SPATA31H1: variants seen among roughly 807,000 people sequenced by gnomAD.
SPATA31H1 encodes spermatogenesis-associated protein 31H1.
chr2:27,543,480 TGGCAAG>T, the SPATA31H1 span, among the ~76,000 whole-genome samples: 7 of 112,554 alleles, frequency 6.2e-5, no homozygotes, highest in East Asian at 3.9e-4. Flanking sequence ...GTATGAGAAA[TGGCAAG>T]GGCTTTTTTT....
chr2:27,582,404 T>C, the SPATA31H1 span: 1 of 1,614,184 alleles, frequency 6.2e-7, no homozygotes, highest in Non-Finnish European at 8.5e-7. Context: ...TCAAGTACAG[T>C]TTCCCTGGAG....
the SPATA31H1 span, chr2:27,580,642 T>C: frequency 6.2e-7 from 1 of 1,614,210 alleles, no homozygotes; most frequent in Non-Finnish European, 8.5e-7. Flanking sequence ...TTTCAGAGCC[T>C]AAAGCGGGCA....
the SPATA31H1 span, among the ~76,000 whole-genome samples, chr2:27,538,303 G>A: frequency 1.3e-5 from 2 of 151,728 alleles, no homozygotes; most frequent in South Asian, 4.2e-4. Flanking sequence ...ATCACCTGGG[G>A]GATCTTGTTA....
chr2:27,580,750 AAC>A, the SPATA31H1 span: 1 of 1,614,162 alleles, frequency 6.2e-7, no homozygotes, highest in Non-Finnish European at 8.5e-7. Context: ...TATTATCCAA[AAC>A]AAAATGCCAG....
the SPATA31H1 span, among the ~76,000 whole-genome samples, chr2:27,562,802 G>A: frequency 2.7e-5 from 4 of 150,644 alleles, no homozygotes; most frequent in African/African-American, 4.9e-5. Flanking sequence ...CAGGAGAATC[G>A]CTTGAACCTG....
At chr2:27,560,747 C>T in the SPATA31H1 span, among the ~76,000 whole-genome samples, 18 of 152,272 alleles carry the variant, frequency 1.2e-4, no homozygotes, top group African/African-American at 3.4e-4. Flanking sequence ...TGTGAGCCAC[C>T]GCGCCCAGCC....
chr2:27,554,580 T>G, the SPATA31H1 span, among the ~76,000 whole-genome samples: 1 of 151,804 alleles, frequency 6.6e-6, no homozygotes, highest in Non-Finnish European at 1.5e-5. Flanking sequence ...GTTTTTGTTT[T>G]GTTTTGTTTT....
At chr2:27,581,192 C>T in the SPATA31H1 span, 1 of 1,614,210 alleles carries the variant, frequency 6.2e-7, no homozygotes, top group Non-Finnish European at 8.5e-7. Context: ...AGGAGCATAA[C>T]CACCCCAGCT....
chr2:27,539,113 TTTTTTTTTTTTTTA>T, the SPATA31H1 span, among the ~76,000 whole-genome samples: 53 of 140,316 alleles, frequency 3.8e-4, no homozygotes, highest in South Asian at 0.011. Context: ...TTTTTTTTTT[TTTTTTTTTTTTTTA>T]ATTGATCATT....
the SPATA31H1 span, chr2:27,567,871 C>CT: frequency 2.5e-6 from 1 of 398,986 alleles, no homozygotes. Context: ...GTCATGGATT[C>CT]AATGGGGATG....
the SPATA31H1 span, chr2:27,579,693 G>A: frequency 6.2e-7 from 1 of 1,614,190 alleles, no homozygotes; most frequent in Non-Finnish European, 8.5e-7. Context: ...TTACGATAGA[G>A]AAGATCTTGT....
chr2:27,559,255 G>A, the SPATA31H1 span, among the ~76,000 whole-genome samples: 1 of 152,182 alleles, frequency 6.6e-6, no homozygotes, highest in African/African-American at 2.4e-5. Context: ...TTTATCAGAG[G>A]CTGAGCTTCC....
the SPATA31H1 span, chr2:27,582,558 T>G: frequency 6.5e-7 from 1 of 1,542,820 alleles, no homozygotes; most frequent in Middle Eastern, 1.8e-4. Context: ...TTCATTGTCC[T>G]AAGTCTTCAT....
the SPATA31H1 span, chr2:27,565,283 G>A: frequency 4.2e-6 from 3 of 709,030 alleles, no homozygotes; most frequent in Admixed American, 4.1e-5. Context: ...TGTCAATAAA[G>A]TCTCTAACCT....
the SPATA31H1 span, chr2:27,568,796 G>A: frequency 2.5e-6 from 1 of 398,950 alleles, no homozygotes; most frequent in East Asian, 3.6e-5. Flanking sequence ...CAATTCCTGA[G>A]ACACAGGTGC....
chr2:27,550,849 A>T, the SPATA31H1 span, among the ~76,000 whole-genome samples: 32 of 151,996 alleles, frequency 2.1e-4, no homozygotes, highest in South Asian at 6.6e-3. Flanking sequence ...TCTTGGAATA[A>T]ATATAATATG....
chr2:27,580,758 G>T, the SPATA31H1 span: 3 of 1,614,064 alleles, frequency 1.9e-6, no homozygotes, highest in African/African-American at 1.3e-5. Flanking sequence ...AAAACAAAAT[G>T]CCAGGGACTA....
At chr2:27,537,792 G>A in the SPATA31H1 span, among the ~76,000 whole-genome samples, 2 of 152,148 alleles carry the variant, frequency 1.3e-5, no homozygotes, top group African/African-American at 4.8e-5. Flanking sequence ...GGTGAAGTGG[G>A]GGAGATGGAT....
At chr2:27,539,397 G>T in the SPATA31H1 span, among the ~76,000 whole-genome samples, 17 of 125,270 alleles carry the variant, frequency 1.4e-4, no homozygotes, top group Non-Finnish European at 2.3e-4. Context: ...ACCCTGAGTG[G>T]ACACAGCACA....
Sources: gnomAD v4.1 joint callset for allele counts (sites outside exome capture counted in the v4.1 genomes callset) on GRCh38, gnomAD v4.1.1 for gene constraint, MANE v1.5 for transcripts, NCBI Gene and HGNC (gene_info 2026-07-23, HGNC 2026-07-21) for gene names.